EFEMP1: variants seen among roughly 807,000 people sequenced by gnomAD.
EFEMP1 encodes the protein EGF-containing fibulin-like extracellular matrix protein 1.
Under a neutral mutation model 65.7 loss-of-function variants are expected in EFEMP1, and 18 were observed. That is an observed-to-expected ratio of 0.27 (90% CI 0.19 to 0.41). EFEMP1 has a LOEUF of 0.41. Among genes scored for constraint, EFEMP1 ranks in the 10% least tolerant of loss-of-function variants. The pLI, the probability that EFEMP1 is intolerant of heterozygous loss-of-function variation, is 1.00. For missense variants in EFEMP1, 469 were observed against 624.8 expected, an observed-to-expected ratio of 0.75 and a Z score of 2.66; for synonymous variants, 237 against 219.7, an observed-to-expected ratio of 1.08 and a Z score of -0.70.
In EFEMP1 at chr2:55,922,282, T is replaced by C; in HGVS notation, c.81+78A>G. 3 of 1,314,280 alleles carry C rather than the reference T, an allele frequency of 2.3e-6. No individual in the cohort carries two copies. The highest frequency in any genetic ancestry group is 3.3e-6 in the Non-Finnish European group (3 of 908,928). 81.4% of individuals were successfully genotyped at this position (1,314,280 alleles called of 1,614,324 possible). On this transcript the variant is annotated intron_variant, in intron 3 of 11. Transcript: ENST00000355426. This position sits in a 1 kb window ranked among gnomAD's most constrained non-coding sequence, Gnocchi z 5.5. ...TCAGCAGAGTATAGCCCAAATACAC[T>C]GGCAGGGGTGTGTAAAGTCTTTTTT... is the stretch of plus-strand genomic sequence containing the variant.
rs576013645 is a variant in EFEMP1 at position 55,883,597 on chromosome 2, C to G, written c.518-1863G>C. On this transcript the variant is annotated intron_variant, in intron 5 of 11. Coordinates refer to ENST00000355426, the MANE Select transcript of EFEMP1 (RefSeq NM_001039348.3). This position sits in a 1 kb window ranked among gnomAD's most constrained non-coding sequence, Gnocchi z 4.5. ...GCAGCAGATCAAGGCCCTGGGCTGG[C>G]TGCTGCATTTTCTAAGGGAGGCCTC... is the stretch of plus-strand genomic sequence containing the variant. Among the ~76,000 whole-genome samples, 1 of 152,280 alleles carries G rather than the reference C, an allele frequency of 6.6e-6. No individual in the cohort carries two copies. Among genetic ancestry groups the G allele is most frequent in the East Asian group, 1.9e-4 (1 of 5,184 alleles).
intron 6 of EFEMP1, among the ~76,000 whole-genome samples, chr2:55,879,382 T>C (rs1294581927): frequency 2.0e-5 from 3 of 152,222 alleles, no homozygotes; most frequent in Non-Finnish European, 4.4e-5. Flanking sequence ...GTATGAATGG[T>C]ATTATACTTT....
chr2:55,922,270 G>A lies in EFEMP1; in HGVS notation c.81+90C>T. 8.5e-7 allele frequency: 1 copy of A among 1,176,464 alleles called. No individual in the cohort carries two copies. The allele number at this position is 1,176,464 out of a possible 1,614,324, so 72.9% of individuals were successfully genotyped here. A position where few individuals can be genotyped will look rare whatever the true frequency, so the allele number is the denominator to read the frequency against. On this transcript the variant is annotated intron_variant, in intron 3 of 11. Transcript: ENST00000355426. The surrounding 1 kb of genome is among the most constrained non-coding windows in gnomAD (Gnocchi z 5.5). ...AATTTATCACCCTCAGCAGAGTATA[G>A]CCCAAATACACTGGCAGGGGTGTGT... is the stretch of plus-strand genomic sequence containing the variant.
intron 5 of EFEMP1, among the ~76,000 whole-genome samples, chr2:55,896,085 T>C (rs1331115004): frequency 2.0e-5 from 3 of 152,218 alleles, no homozygotes; most frequent in Non-Finnish European, 2.9e-5. Context: ...TATAATTTTA[T>C]AGCCTCAACT....
In EFEMP1 at chr2:55,922,318, T is replaced by A. The variant is rs1169802471; in HGVS notation, c.81+42A>T. On this transcript the variant is annotated intron_variant, in intron 3 of 11. Coordinates refer to ENST00000355426, the MANE Select transcript of EFEMP1 (RefSeq NM_001039348.3). This position sits in a 1 kb window ranked among gnomAD's most constrained non-coding sequence, Gnocchi z 5.5. The stretch of plus-strand genomic sequence containing the variant: ...TGTAAAGTCTTTTTTTGTCACAGAA[T>A]CCCGCTGAACCGTACTTATTTCAAA... 6.3e-7 allele frequency: 1 copy of A among 1,592,950 alleles called. No individual in the cohort carries two copies. The highest frequency in any genetic ancestry group is 1.7e-5 in the Admixed American group (1 of 59,948).
At chr2:55,899,889 G>C (rs1036260839) in intron 5 of EFEMP1, among the ~76,000 whole-genome samples, 8 of 152,182 alleles carry the variant, frequency 5.3e-5, no homozygotes, top group Non-Finnish European at 1.0e-4. Flanking sequence ...CAATTTCTGG[G>C]GGGGAAGTCA....
In EFEMP1 at chr2:55,917,987, A is replaced by G. The variant is rs142572513; in HGVS notation, c.195T>C (p.Tyr65=). 40 of 1,614,246 alleles carry G rather than the reference A, an allele frequency of 2.5e-5. No individual in the cohort carries two copies. The highest frequency in any genetic ancestry group is 3.3e-5 in the Non-Finnish European group (39 of 1,180,042). The change falls in exon 5 of 12, where the codon TAT becomes TAC. Residue 65 remains tyrosine (Y), a synonymous_variant. Coordinates refer to ENST00000355426, the MANE Select transcript of EFEMP1 (RefSeq NM_001039348.3). This position sits in a 1 kb window ranked among gnomAD's most constrained non-coding sequence, Gnocchi z 6.3. ...TTTTCGGAAGGCAGAGGTATCCTCC[A>G]TAGTGGTTGACACACTTCATTCCAC... ...CKGGMKCVNH[Y]GGYLCLPKTA...
At position 55,875,107 on chromosome 2, in the gene EFEMP1, T is replaced by C. The variant is rs529471659; in HGVS notation, c.881-42A>G. ...GAGAAAGGACACAGAGTTGAAAAGT[T>C]TGTGCACCACTACTTTGGATATATA... On this transcript the variant is annotated intron_variant, in intron 8 of 11. Coordinates refer to ENST00000355426, the MANE Select transcript of EFEMP1 (RefSeq NM_001039348.3). 13 of 1,511,928 alleles carry C rather than the reference T, an allele frequency of 8.6e-6. No homozygotes were observed. The African/African-American group carries it at 1.3e-4, about 15-fold the overall frequency. 93.7% of individuals were successfully genotyped at this position (1,511,928 alleles called of 1,614,324 possible).
rs1481510822 is a variant in EFEMP1 at position 55,881,469 on chromosome 2, A to C, written c.640+143T>G. On this transcript the variant is annotated intron_variant, in intron 6 of 11. Transcript: ENST00000355426. ...AAGGTTGTTTCTTGTTATTGTGGAA[A>C]ATGGATTGGTAGTCTATAAAAAAAT... 3.8e-6 allele frequency: 4 copies of C among 1,054,132 alleles called. No individual in the cohort carries two copies. The Admixed American group carries it at 8.0e-5, about 21-fold the overall frequency. The allele number at this position is 1,054,132 out of a possible 1,614,324, so 65.3% of individuals were successfully genotyped here. A position where few individuals can be genotyped will look rare whatever the true frequency, so the allele number is the denominator to read the frequency against.
At chr2:55,872,647 T>C (rs1035479075) in intron 9 of EFEMP1, among the ~76,000 whole-genome samples, 2 of 151,986 alleles carry the variant, frequency 1.3e-5, no homozygotes, top group Non-Finnish European at 2.9e-5. Context: ...GAAAAAAAAG[T>C]ATTTTAGCTT....
chr2:55,878,060 G>A (rs1012955272), intron 6 of EFEMP1, among the ~76,000 whole-genome samples, 195 bp from the exon 7 acceptor site: 5 of 152,130 alleles, frequency 3.3e-5, no homozygotes, highest in African/African-American at 1.2e-4. Flanking sequence ...AAGACTCAAT[G>A]TTCATGCCAT....
chr2:55,887,013 T>C (rs1189364022), intron 5 of EFEMP1, among the ~76,000 whole-genome samples: 1 of 152,158 alleles, frequency 6.6e-6, no homozygotes, highest in Non-Finnish European at 1.5e-5. Flanking sequence ...TTAATTGGTA[T>C]AAAAATAGGT....
In EFEMP1 at chr2:55,885,580, G is replaced by GT. The variant is rs2104398664; in HGVS notation, c.518-3847dup. Among the ~76,000 whole-genome samples, 1 of 152,242 alleles carries GT rather than the reference G, an allele frequency of 6.6e-6. No individual in the cohort carries two copies. Among genetic ancestry groups the GT allele is most frequent in the South Asian group, 2.1e-4 (1 of 4,822 alleles). ...TAACAATAGCTAATGGCAATATTTG[G>GT]TGATTCCCTCATTTTTCAAAAATGT... is the stretch of plus-strand genomic sequence containing the variant. On this transcript the variant is annotated intron_variant, in intron 5 of 11. Transcript: ENST00000355426. The surrounding 1 kb of genome is among the most constrained non-coding windows in gnomAD (Gnocchi z 4.3).
At chr2:55,899,280 T>C (rs983549462) in intron 5 of EFEMP1, among the ~76,000 whole-genome samples, 3 of 152,216 alleles carry the variant, frequency 2.0e-5, no homozygotes, top group African/African-American at 7.2e-5. Context: ...ATCATTTAAT[T>C]TTTAAAAGTC....
chr2:55,898,177 C>T (rs1363712631), intron 5 of EFEMP1, among the ~76,000 whole-genome samples: 2 of 152,174 alleles, frequency 1.3e-5, no homozygotes, highest in Non-Finnish European at 2.9e-5. Flanking sequence ...GCCTATTTAA[C>T]TCCAAATTGG....
chr2:55,866,969 A>G lies in EFEMP1; in HGVS notation c.*104T>C. On this transcript the variant is annotated 3_prime_UTR_variant, in exon 12 of 12. Transcript: ENST00000355426. ...TTTGAATTATGGGTGAGTGTACAGT[A>G]TAGAGATGTAGATGCACTAGATATA... The G allele has an allele frequency of 7.1e-7, 1 of 1,403,854 alleles. No homozygotes were observed. Among genetic ancestry groups the G allele is most frequent in the South Asian group, 1.2e-5 (1 of 84,956 alleles). The allele number at this position is 1,403,854 out of a possible 1,614,324, so 87.0% of individuals were successfully genotyped here. A position where few individuals can be genotyped will look rare whatever the true frequency, so the allele number is the denominator to read the frequency against.
chr2:55,867,257 A>C lies in EFEMP1; in HGVS notation c.1321-23T>G. ...TTGCTAAAATAAAAGAAAATAGAGA[A>C]AGGAAGAGAATAATTTTCTTGGATT... On this transcript the variant is annotated intron_variant, in intron 11 of 11. Transcript: ENST00000355426. The surrounding 1 kb of genome is among the most constrained non-coding windows in gnomAD (Gnocchi z 4.3). The C allele has an allele frequency of 1.2e-6, 2 of 1,611,648 alleles. No homozygotes were observed. The highest frequency in any genetic ancestry group is 1.7e-6 in the Non-Finnish European group (2 of 1,178,738).
intron 8 of EFEMP1, among the ~76,000 whole-genome samples, chr2:55,876,145 C>T (rs1280107097): frequency 1.3e-5 from 2 of 152,106 alleles, no homozygotes; most frequent in Non-Finnish European, 2.9e-5. Context: ...GCCCAAGTCA[C>T]ACAGTAGCAG....
rs372078604 is a variant in EFEMP1, at chr2:55,873,404, A to G, written c.1000+1542T>C. Among the ~76,000 whole-genome samples, 5 of 152,206 alleles carry G rather than the reference A, an allele frequency of 3.3e-5. No homozygotes were observed. In the South Asian group the frequency reaches 1.0e-3, roughly 32 times the overall value. Reference sequence around the variant, plus strand: ...TTTTCCACCTTTAATTACAATAGATATAAATGTTTCCACATAGATAGGCTA... The same window carrying G: ...TTTTCCACCTTTAATTACAATAGATGTAAATGTTTCCACATAGATAGGCTA... On this transcript the variant is annotated intron_variant, in intron 9 of 11. Transcript: ENST00000355426. This position sits in a 1 kb window ranked among gnomAD's most constrained non-coding sequence, Gnocchi z 4.6.
Sources: allele counts gnomAD v4.1 joint callset (sites outside exome capture counted in the v4.1 genomes callset), GRCh38; gene constraint gnomAD v4.1.1; non-coding constraint Gnocchi (gnomAD v3.1); transcripts MANE v1.5; gene names NCBI Gene and HGNC (gene_info 2026-07-23, HGNC 2026-07-21).